The following PRKAR2B variants were observed in gnomAD, a reference collection of about 807,000 sequenced individuals.
PRKAR2B encodes the protein protein kinase cAMP-dependent type II regulatory subunit beta.
A neutral mutation model predicts 49.9 loss-of-function variants in PRKAR2B; 14 were observed. That is an observed-to-expected ratio of 0.28 (90% confidence interval 0.19 to 0.44). PRKAR2B has a LOEUF of 0.44. Ranked by LOEUF, PRKAR2B falls within the 20% of genes least tolerant of loss-of-function variation. The probability of loss-of-function intolerance (pLI) is 1.00; values close to 1 mark genes in which losing one functional copy is unlikely to be tolerated. For synonymous variants in PRKAR2B, 196 were observed against 197.7 expected, an observed-to-expected ratio of 0.99 and a Z score of 0.07; for missense variants, 393 against 537.9, an observed-to-expected ratio of 0.73 and a Z score of 2.67.
At chr7:107,085,510 A>G (rs1045376491) in intron 2 of PRKAR2B, among the ~76,000 whole-genome samples, 15 of 152,186 alleles carry the variant, frequency 9.9e-5, no homozygotes, top group Admixed American at 6.5e-4. Context: ...ATGGTAAAAA[A>G]GTGAAGTAGT....
At position 107,074,062 on chromosome 7, in the gene PRKAR2B, AAAAAT is replaced by A. The variant is rs201751689; in HGVS notation, c.343+3765_343+3769del. Among the ~76,000 whole-genome samples the A allele has an allele frequency of 2.7e-3, 406 of 152,230 alleles. 3 individuals carry two copies. Among genetic ancestry groups the A allele is most frequent in the African/African-American group, 8.6e-3 (358 of 41,536 alleles). ...GGCAACAGAGTGAGACCCTGTCTCA[AAAAAT>A]AAAATAAAATAAAATAAAGTAACAG... On this transcript the variant is annotated intron_variant, in intron 2 of 10. Coordinates refer to ENST00000265717, the MANE Select transcript of PRKAR2B (RefSeq NM_002736.3).
chr7:107,051,794 TA>T (rs1025316859), intron 1 of PRKAR2B, among the ~76,000 whole-genome samples: 1 of 151,866 alleles, frequency 6.6e-6, no homozygotes, highest in African/African-American at 2.4e-5. Flanking sequence ...GTTTCTTAAT[TA>T]AAAAAAAGAC....
intron 7 of PRKAR2B, among the ~76,000 whole-genome samples, chr7:107,152,112 A>G (rs1795999436): frequency 6.6e-6 from 1 of 152,106 alleles, no homozygotes. Context: ...CAGGCCAAAA[A>G]CCTTCGAGTT....
At position 107,068,646 on chromosome 7, in the gene PRKAR2B, A is replaced by G. The variant is rs533870917; in HGVS notation, c.308-1635A>G. ...TCTTTCAGTCACTTTGGAGGATATA[A>G]TTTTGTTATAAATGATAATATCTTG... is the stretch of plus-strand genomic sequence containing the variant. On this transcript the variant is annotated intron_variant, in intron 1 of 10. Transcript: ENST00000265717. 3.9e-5 allele frequency: 6 copies of G among 152,258 alleles called. No individual in the cohort carries two copies. In the East Asian group the frequency reaches 9.7e-4, roughly 25 times the overall value. 9.4% of individuals were successfully genotyped at this position (152,258 alleles called of 1,614,324 possible).
intron 2 of PRKAR2B, among the ~76,000 whole-genome samples, chr7:107,088,848 AG>A: frequency 6.6e-6 from 1 of 152,182 alleles, no homozygotes; most frequent in East Asian, 1.9e-4. Context: ...GATCCACCTG[AG>A]TTGGCCTCCC....
chr7:107,080,951 C>G (rs1397897310), intron 2 of PRKAR2B, among the ~76,000 whole-genome samples: 1 of 152,136 alleles, frequency 6.6e-6, no homozygotes, highest in African/African-American at 2.4e-5. Context: ...TCTGTAAAAC[C>G]AGATTGTGGT....
chr7:107,147,420 C>T (rs898845593), intron 6 of PRKAR2B, among the ~76,000 whole-genome samples: 4 of 152,162 alleles, frequency 2.6e-5, no homozygotes, highest in South Asian at 2.1e-4. Context: ...GTGGTATTCC[C>T]GCAAGACTTA....
At chr7:107,096,647 T>C (rs1562855460) in intron 2 of PRKAR2B, among the ~76,000 whole-genome samples, 1 of 152,338 alleles carries the variant, frequency 6.6e-6, no homozygotes, top group South Asian at 2.1e-4. Context: ...TGTGGGCATG[T>C]AGTGCTATAA....
intron 1 of PRKAR2B, among the ~76,000 whole-genome samples, chr7:107,050,333 CTTTTTTT>C (rs57752789): frequency 2.9e-5 from 2 of 68,582 alleles, no homozygotes; most frequent in Admixed American, 1.7e-4. Flanking sequence ...CAGTTACCAG[CTTTTTTT>C]TTTTTTTTTT....
In PRKAR2B at chr7:107,096,462, A is replaced by T. The variant is rs554832544; in HGVS notation, c.344-25490A>T. On this transcript the variant is annotated intron_variant, in intron 2 of 10. Transcript: ENST00000265717. ...ATCTTTTCAAAAAACCAGCTCCTGG[A>T]TTCATTGATTTTTTTTTTTTGAAGG... 7.4e-4 allele frequency among the ~76,000 whole-genome samples: 111 copies of T among 150,064 alleles called. 4 individuals carry two copies. The South Asian group carries it at 0.023, about 31-fold the overall frequency.
intron 2 of PRKAR2B, among the ~76,000 whole-genome samples, chr7:107,102,065 G>T (rs1361248569): frequency 6.6e-6 from 1 of 151,926 alleles, no homozygotes; most frequent in African/African-American, 2.4e-5. Context: ...AAATTAGCCG[G>T]GCATGGTGGC....
intron 2 of PRKAR2B, among the ~76,000 whole-genome samples, chr7:107,083,006 T>C (rs1463988274): frequency 6.6e-6 from 1 of 152,152 alleles, no homozygotes; most frequent in African/African-American, 2.4e-5. Flanking sequence ...GTGTGTCTCA[T>C]CTATAACAGA....
intron 2 of PRKAR2B, among the ~76,000 whole-genome samples, chr7:107,120,479 C>G (rs1396085241): frequency 6.6e-6 from 1 of 152,126 alleles, no homozygotes; most frequent in Non-Finnish European, 1.5e-5. Flanking sequence ...GATGATACTA[C>G]TTTTGATGCC....
At chr7:107,093,805 T>A (rs1794781935) in intron 2 of PRKAR2B, among the ~76,000 whole-genome samples, 1 of 152,148 alleles carries the variant, frequency 6.6e-6, no homozygotes, top group Admixed American at 6.5e-5. Flanking sequence ...AATGATGGAT[T>A]CCAGCTTCAT....
chr7:107,140,229 G>T (rs1795766510), intron 4 of PRKAR2B, among the ~76,000 whole-genome samples: 1 of 152,164 alleles, frequency 6.6e-6, no homozygotes, highest in South Asian at 2.1e-4. Flanking sequence ...TAGTATTTTT[G>T]ATGTTTCTGA....
At chr7:107,052,457 GTTA>G (rs1282910056) in intron 1 of PRKAR2B, among the ~76,000 whole-genome samples, 1 of 152,078 alleles carries the variant, frequency 6.6e-6, no homozygotes, top group African/African-American at 2.4e-5. Context: ...TTTAATACTA[GTTA>G]TTATTAACAT....
intron 2 of PRKAR2B, among the ~76,000 whole-genome samples, chr7:107,096,241 T>C (rs920703016): frequency 2.6e-5 from 4 of 152,242 alleles, no homozygotes; most frequent in African/African-American, 9.6e-5. Flanking sequence ...GGAGGATGTA[T>C]GTGTCCAGGA....
chr7:107,114,390 C>T (rs575115064), intron 2 of PRKAR2B, among the ~76,000 whole-genome samples: 16 of 147,732 alleles, frequency 1.1e-4, no homozygotes, highest in Non-Finnish European at 2.2e-4. Context: ...GAGACTAAGT[C>T]TTGCTCTGTT....
chr7:107,093,714 A>C (rs1199309702), intron 2 of PRKAR2B, among the ~76,000 whole-genome samples: 4 of 136,072 alleles, frequency 2.9e-5, no homozygotes, highest in Admixed American at 8.2e-5. Context: ...CTCTGTGTCC[A>C]AGTGTTCTCA....
Sources: gnomAD v4.1 joint callset for allele counts (sites outside exome capture counted in the v4.1 genomes callset) on GRCh38, gnomAD v4.1.1 for gene constraint, MANE v1.5 for transcripts, NCBI Gene and HGNC (gene_info 2026-07-23, HGNC 2026-07-21) for gene names.